Variants in IL1RAPL2 observed in about 807,000 individuals in gnomAD.
IL1RAPL2 encodes X-linked interleukin-1 receptor accessory protein-like 2.
IL1RAPL2 carries 3 observed loss-of-function variants against 44.1 expected under a neutral mutation model. The observed-to-expected ratio is 0.07, with a 90% CI of 0.03 to 0.18. The LOEUF is 0.18. IL1RAPL2 is among the 10% of genes least tolerant of loss of function. IL1RAPL2 has a pLI of 1.00. For synonymous variants in IL1RAPL2, 181 were observed against 178.8 expected, an observed-to-expected ratio of 1.01 and a Z score of -0.10; for missense variants, 391 against 496.4, an observed-to-expected ratio of 0.79 and a Z score of 2.02.
In IL1RAPL2 at chrX:105,724,029, G is replaced by GTAAA. The variant is rs1473906153; in HGVS notation, c.902+6540_902+6543dup. ...TGTAATATAACCAAGCAGTGAGGATGTAAATAAATAGCTCTCAGGCAGTTG... is the reference window on the plus strand; with the variant it reads ...TGTAATATAACCAAGCAGTGAGGATGTAAATAAATAAATAGCTCTCAGGCAGTTG... On this transcript the variant is annotated intron_variant, in intron 7 of 10. Transcript: ENST00000372582. Among the ~76,000 whole-genome samples the GTAAA allele has an allele frequency of 6.7e-3, 744 of 111,384 alleles. 10 individuals carry two copies. The highest frequency in any genetic ancestry group is 0.023 in the African/African-American group (715 of 30,658).
chrX:105,404,984 A>G, intron 5 of IL1RAPL2, among the ~76,000 whole-genome samples: 1 of 111,897 alleles, frequency 8.9e-6, no homozygotes, highest in African/African-American at 3.2e-5. Context: ...ATGTTTTGAA[A>G]CATTCTAAGA....
chrX:104,991,297 C>T lies in IL1RAPL2; in HGVS notation c.83-204178C>T, dbSNP rs780426850. 2.7e-5 allele frequency among the ~76,000 whole-genome samples: 3 copies of T among 111,694 alleles called. No individual in the cohort carries two copies. In the South Asian group the frequency reaches 1.1e-3, roughly 42 times the overall value. The stretch of plus-strand genomic sequence containing the variant: ...TTTTATACTGTACATGTCTGAGGCT[C>T]AGTGCTCAAGGGATTAGGCAAGTTA... On this transcript the variant is annotated intron_variant, in intron 2 of 10. Transcript: ENST00000372582.
chrX:105,737,092 A>G (rs1485681611), intron 7 of IL1RAPL2, among the ~76,000 whole-genome samples: 2 of 111,608 alleles, frequency 1.8e-5, no homozygotes, highest in Non-Finnish European at 3.8e-5. Context: ...ACATGGATGG[A>G]GCTGGAAGCC....
intron 6 of IL1RAPL2, among the ~76,000 whole-genome samples, chrX:105,646,600 G>A (rs955535254): frequency 9.0e-6 from 1 of 111,711 alleles, no homozygotes; most frequent in African/African-American, 3.3e-5. Context: ...ATAAAAACAG[G>A]TAAGGCAAAA....
chrX:104,950,362 C>G (rs761150457), intron 2 of IL1RAPL2, among the ~76,000 whole-genome samples: 8 of 112,547 alleles, frequency 7.1e-5, no homozygotes, highest in African/African-American at 2.3e-4. Context: ...AACCACTGCT[C>G]TCTTCAAAGC....
chrX:104,903,094 GT>G (rs1923865638), intron 2 of IL1RAPL2, among the ~76,000 whole-genome samples: 1 of 111,712 alleles, frequency 9.0e-6, no homozygotes, highest in Non-Finnish European at 1.9e-5. Flanking sequence ...GGCATTAAAT[GT>G]TGATGATATT....
At chrX:104,714,413 G>A (rs1345341124) in intron 2 of IL1RAPL2, among the ~76,000 whole-genome samples, 1 of 110,811 alleles carries the variant, frequency 9.0e-6, no homozygotes, top group African/African-American at 3.3e-5. Flanking sequence ...CCCCTATGCT[G>A]TTCTCATGGT....
At chrX:105,364,437 G>T (rs1391946468) in intron 5 of IL1RAPL2, among the ~76,000 whole-genome samples, 1 of 110,540 alleles carries the variant, frequency 9.0e-6, no homozygotes, top group East Asian at 2.8e-4. Flanking sequence ...TTTTAGGATT[G>T]TTTTTTCTAT....
At chrX:105,505,056 T>C (rs972550825) in intron 6 of IL1RAPL2, among the ~76,000 whole-genome samples, 115 of 111,553 alleles carry the variant, frequency 1.0e-3, no homozygotes, top group African/African-American at 3.6e-3. Flanking sequence ...TTAGTTCTTG[T>C]TCTGTCTAGA....
chrX:105,060,526 A>G (rs1193960871), intron 2 of IL1RAPL2, among the ~76,000 whole-genome samples: 4 of 102,472 alleles, frequency 3.9e-5, no homozygotes, highest in Non-Finnish European at 8.0e-5. Context: ...AGAATTTTGC[A>G]TCAATGTTTA....
intron 5 of IL1RAPL2, among the ~76,000 whole-genome samples, chrX:105,417,298 C>T (rs977409138): frequency 3.6e-5 from 4 of 111,770 alleles, no homozygotes; most frequent in Non-Finnish European, 7.5e-5. Context: ...CATGGTGAAA[C>T]CCCATCTCTA....
intron 4 of IL1RAPL2, among the ~76,000 whole-genome samples, chrX:105,235,207 G>A (rs2034109793): frequency 9.0e-6 from 1 of 111,698 alleles, no homozygotes; most frequent in East Asian, 2.8e-4. Context: ...GTGGATAATT[G>A]GATCTAGGGG....
chrX:105,756,557 T>C (rs2038641377), intron 10 of IL1RAPL2, among the ~76,000 whole-genome samples: 1 of 112,098 alleles, frequency 8.9e-6, no homozygotes, highest in South Asian at 3.7e-4. Context: ...TCTGTGTATG[T>C]TGATGTGTGC....
At position 105,253,350 on chromosome X, in the gene IL1RAPL2, A is replaced by G. The variant is rs1030080547; in HGVS notation, c.544-14038A>G. 6.3e-5 allele frequency among the ~76,000 whole-genome samples: 7 copies of G among 111,222 alleles called. No individual in the cohort carries two copies. In the Admixed American group the frequency reaches 6.8e-4, roughly 11 times the overall value. On this transcript the variant is annotated intron_variant, in intron 4 of 10. Coordinates refer to ENST00000372582, the MANE Select transcript of IL1RAPL2 (RefSeq NM_017416.2). ...TATGTAGTCTATTAATAAGCCCATC[A>G]GAGGCATTATTTTATTTCTGTTGCA... is the stretch of plus-strand genomic sequence containing the variant.
chrX:104,849,710 A>C (rs1385654701), intron 2 of IL1RAPL2, among the ~76,000 whole-genome samples: 1 of 111,163 alleles, frequency 9.0e-6, no homozygotes, highest in Non-Finnish European at 1.9e-5. Context: ...AAGTAAACCC[A>C]AAAATAATAT....
In IL1RAPL2 at chrX:105,532,820, A is replaced by G. The variant is rs778344447; in HGVS notation, c.772+48433A>G. Among the ~76,000 whole-genome samples the G allele has an allele frequency of 7.2e-5, 8 of 111,318 alleles. No homozygotes were observed. The East Asian group carries it at 2.2e-3, about 31-fold the overall frequency. On this transcript the variant is annotated intron_variant, in intron 6 of 10. Transcript: ENST00000372582. ...AATTTCTTACTTTTTGTTTCATGAA[A>G]GGTATTACAAGGTATTTCATATATA...
At chrX:105,034,875 T>G (rs2031593818) in intron 2 of IL1RAPL2, among the ~76,000 whole-genome samples, 1 of 112,231 alleles carries the variant, frequency 8.9e-6, no homozygotes, top group Admixed American at 9.4e-5. Flanking sequence ...CTCCTTGAGC[T>G]GTGGTGGGCT....
At chrX:105,163,293 C>A (rs940150699) in intron 2 of IL1RAPL2, among the ~76,000 whole-genome samples, 6 of 111,796 alleles carry the variant, frequency 5.4e-5, no homozygotes, top group Non-Finnish European at 9.4e-5. Flanking sequence ...AAAAAGCCTC[C>A]CTCGCTTTTG....
intron 6 of IL1RAPL2, among the ~76,000 whole-genome samples, chrX:105,632,531 C>T (rs1297269755): frequency 9.0e-6 from 1 of 111,666 alleles, no homozygotes; most frequent in Non-Finnish European, 1.9e-5. Context: ...GTTGGAGGAA[C>T]TTATTCTATT....
Sources: gnomAD v4.1 joint callset for allele counts (sites outside exome capture counted in the v4.1 genomes callset) on GRCh38, gnomAD v4.1.1 for gene constraint, MANE v1.5 for transcripts, NCBI Gene and HGNC (gene_info 2026-07-23, HGNC 2026-07-21) for gene names.